Variants in RECQL observed in about 807,000 individuals in gnomAD.
The protein encoded by RECQL is RecQ like helicase.
In RECQL, 73 loss-of-function variants were observed where a neutral mutation model predicts 75.8. The ratio of observed to expected loss-of-function variants is 0.96; its 90% CI spans 0.80 to 1.17. RECQL has a LOEUF of 1.17. RECQL is among the 50% of genes most tolerant of loss of function. The pLI is 0.00. For synonymous variants in RECQL, 248 were observed against 254.4 expected (o/e 0.97, Z 0.24); for missense variants, 699 against 772.1 (o/e 0.91, Z 1.12).
intron 12 of RECQL, among the ~76,000 whole-genome samples, chr12:21,472,855 A>AT (rs757079734): frequency 2.0e-5 from 3 of 152,108 alleles, no homozygotes; most frequent in Non-Finnish European, 4.4e-5. Flanking sequence ...TTTCTTTTCA[A>AT]TTAGTGACTA....
chr12:21,471,295 G>T, intron 13 of RECQL, 133 bp downstream of exon 13: 1 of 980,744 alleles, frequency 1.0e-6, no homozygotes, highest in Non-Finnish European at 1.5e-6. Flanking sequence ...AAGTTTGAGT[G>T]TTTTAGGTAA....
chr12:21,476,789 A>C (rs1943094068), intron 8 of RECQL, 122 bp downstream of exon 8: 1 of 508,102 alleles, frequency 2.0e-6, no homozygotes. Flanking sequence ...ATTTTCAAGT[A>C]TCTTCTGCTA....
chr12:21,472,594 CTG>C (rs1591969813), intron 12 of RECQL, among the ~76,000 whole-genome samples: 1 of 152,198 alleles, frequency 6.6e-6, no homozygotes, highest in East Asian at 1.9e-4. Flanking sequence ...CATTTGTAAA[CTG>C]TCATGGTGCT....
intron 1 of RECQL, among the ~76,000 whole-genome samples, chr12:21,500,917 A>C (rs1943599885): frequency 6.6e-6 from 1 of 152,226 alleles, no homozygotes; most frequent in South Asian, 2.1e-4. Flanking sequence ...ATATCTCAAC[A>C]TAAAATGTAT....
chr12:21,474,316 C>T lies in RECQL; in HGVS notation c.1355+525G>A, dbSNP rs188901364. 4.1e-4 allele frequency among the ~76,000 whole-genome samples: 62 copies of T among 152,044 alleles called. 1 individual carries two copies. The highest frequency in any genetic ancestry group is 1.3e-3 in the African/African-American group (53 of 41,514). ...ACTGTCTGGCTGCTATTTACCACCT[C>T]GACATTTCTGAGCACTTCTTATGTG... On this transcript the variant is annotated intron_variant, in intron 11 of 14. Coordinates refer to ENST00000444129, the MANE Select transcript of RECQL (RefSeq NM_002907.4).
chr12:21,474,779 G>C (rs923067498), intron 11 of RECQL, 62 bp downstream of exon 11: 1 of 1,499,880 alleles, frequency 6.7e-7, no homozygotes, highest in Non-Finnish European at 9.2e-7. Context: ...ACTTAAAAAC[G>C]ATGTCATATA....
intron 6 of RECQL, among the ~76,000 whole-genome samples, chr12:21,482,828 AG>A (rs1260602534): frequency 1.3e-5 from 2 of 152,312 alleles, no homozygotes; most frequent in African/African-American, 2.4e-5. Flanking sequence ...AACAATTCTG[AG>A]TAACTTACTT....
At chr12:21,474,483 C>T (rs775908978) in intron 11 of RECQL, among the ~76,000 whole-genome samples, 1 of 151,976 alleles carries the variant, frequency 6.6e-6, no homozygotes, top group East Asian at 1.9e-4. Context: ...CAAGGTGGCA[C>T]GTTACTGAGC....
In RECQL at chr12:21,499,603, T is replaced by A. The variant is rs762267334; in HGVS notation, c.-33A>T. 2.0e-5 allele frequency: 32 copies of A among 1,566,220 alleles called. 1 individual carries two copies. In the South Asian group the frequency reaches 3.6e-4, roughly 18 times the overall value. Reference sequence around the variant, plus strand: ...CTTTCCAAATTTGTTTCTAAAATAATCCAAATTTCTTTCTAAAAATAAAAG... The same window carrying A: ...CTTTCCAAATTTGTTTCTAAAATAAACCAAATTTCTTTCTAAAAATAAAAG... On this transcript the variant is annotated 5_prime_UTR_variant, in exon 2 of 15. Coordinates refer to ENST00000444129, the MANE Select transcript of RECQL (RefSeq NM_002907.4).
chr12:21,486,590 AAG>A lies in RECQL; in HGVS notation c.395-7_395-6del, dbSNP rs1943302906. 1 of 1,563,390 alleles carries A rather than the reference AAG, an allele frequency of 6.4e-7. No individual in the cohort carries two copies. The highest frequency in any genetic ancestry group is 8.6e-7 in the Non-Finnish European group (1 of 1,160,054). On this transcript the variant is annotated splice_polypyrimidine_tract_variant and splice_region_variant and intron_variant, in intron 4 of 14. Transcript: ENST00000444129. ...GGCAAATGACGAGTGTAAAACCTAA[AAG>A]AGAAAAAAAAAAAAATCTACCTTAA...
At chr12:21,476,842 A>T in intron 8 of RECQL, 69 bp downstream of exon 8, 1 of 952,878 alleles carries the variant, frequency 1.0e-6, no homozygotes, top group Non-Finnish European at 1.6e-6. Flanking sequence ...CAGTATAATT[A>T]TCAATATGAT....
chr12:21,477,905 T>C lies in RECQL; in HGVS notation c.765A>G (p.Ala255=). ...FPNASLIGLT[A]TATNHVLTDA... The stretch of plus-strand genomic sequence containing the variant: ...CCGTCAAAACGTGATTTGTTGCAGT[T>C]GCAGTCAGCCCAATTAGTGATGCGT... The change falls in exon 7 of 15, where the codon GCA becomes GCG. Residue 255 remains alanine, a synonymous_variant. Coordinates refer to ENST00000444129, the MANE Select transcript of RECQL (RefSeq NM_002907.4). 1 of 1,614,006 alleles carries C rather than the reference T, an allele frequency of 6.2e-7. No individual in the cohort carries two copies. The highest frequency in any genetic ancestry group is 1.1e-5 in the South Asian group (1 of 91,036).
chr12:21,471,582 C>A lies in RECQL; in HGVS notation c.1513G>T (p.Glu505Ter), dbSNP rs1942966490. 1.9e-6 allele frequency: 3 copies of A among 1,612,570 alleles called. No individual in the cohort carries two copies. The highest frequency in any genetic ancestry group is 2.5e-6 in the Non-Finnish European group (3 of 1,179,142). ...AATGGAGTGAGTTTTTCATTCAGTT[C>A]CTCTGCCTGCTTCAGGATCTTGATT... Reference protein sequence around the residue: ...DLIKILKQAEELNEKLTPLKL... With the variant: ...DLIKILKQAE Residue 505 changes from glutamate (E) to a stop codon, truncating the protein, a stop_gained, in exon 13 of 15, where the codon GAA becomes TAA. Transcript: ENST00000444129. LOFTEE classifies it high-confidence loss of function.
At chr12:21,474,228 A>G (rs1035421701) in intron 11 of RECQL, among the ~76,000 whole-genome samples, 1 of 151,998 alleles carries the variant, frequency 6.6e-6, no homozygotes, top group South Asian at 2.1e-4. Flanking sequence ...AGACATTTTC[A>G]TTTTCTCATT....
chr12:21,477,470 G>C (rs946103581), intron 7 of RECQL, among the ~76,000 whole-genome samples: 3 of 152,138 alleles, frequency 2.0e-5, no homozygotes, highest in Non-Finnish European at 2.9e-5. Flanking sequence ...AATTTGAACA[G>C]AGATGTTATT....
intron 2 of RECQL, among the ~76,000 whole-genome samples, chr12:21,497,642 G>A (rs1943532561): frequency 6.6e-6 from 1 of 152,196 alleles, no homozygotes; most frequent in African/African-American, 2.4e-5. Context: ...GAGTGTGAAG[G>A]TATTTGTGTC....
intron 2 of RECQL, 76 bp downstream of exon 2, chr12:21,499,479 A>G (rs1406163917): frequency 1.5e-6 from 2 of 1,350,130 alleles, no homozygotes; most frequent in African/African-American, 3.0e-5. Flanking sequence ...CAGAATTTTT[A>G]AAACAAACTT....
chr12:21,480,546 C>T (rs1184592101), intron 6 of RECQL, among the ~76,000 whole-genome samples: 1 of 152,012 alleles, frequency 6.6e-6, no homozygotes, highest in Admixed American at 6.6e-5. Flanking sequence ...CTAACCCCAC[C>T]CTTCTATACT....
In RECQL at chr12:21,483,372, A is replaced by T. The variant is rs201357215; in HGVS notation, c.700+4T>A. The T allele has an allele frequency of 1.1e-5, 18 of 1,594,548 alleles. No homozygotes were observed. The highest frequency in any genetic ancestry group is 1.5e-5 in the Non-Finnish European group (17 of 1,172,052). ...AAAAAGTTTTCTAGATAAAACATAC[A>T]TACCAGGTCTGAAATCATGTCCCCA... is the stretch of plus-strand genomic sequence containing the variant. On this transcript the variant is annotated splice_donor_region_variant and intron_variant, in intron 6 of 14. Transcript: ENST00000444129.
Sources: allele counts gnomAD v4.1 joint callset (sites outside exome capture counted in the v4.1 genomes callset), GRCh38; gene constraint gnomAD v4.1.1; transcripts MANE v1.5; gene names NCBI Gene and HGNC (gene_info 2026-07-23, HGNC 2026-07-21).